SMAD1: variants seen among roughly 807,000 people sequenced by gnomAD.
SMAD1 encodes SMAD family member 1, also known as MAD, mothers against decapentaplegic homolog 1.
A neutral mutation model predicts 41.6 loss-of-function variants in SMAD1; 6 were observed. That is an observed-to-expected ratio of 0.14 (90% CI 0.08 to 0.28). SMAD1 has a LOEUF of 0.28. SMAD1 is among the 10% of genes least tolerant of loss of function. The pLI is 1.00. For synonymous variants in SMAD1, 206 were observed against 203.2 expected, an observed-to-expected ratio of 1.01 and a Z score of -0.12; for missense variants, 379 against 582.6, an observed-to-expected ratio of 0.65 and a Z score of 3.60.
intron 2 of SMAD1, among the ~76,000 whole-genome samples, chr4:145,519,943 G>A (rs566338456): frequency 3.3e-5 from 5 of 152,130 alleles, no homozygotes; most frequent in African/African-American, 9.7e-5. Context: ...AATAATGTCC[G>A]CCAGGTGTCA....
At position 145,489,295 on chromosome 4, in the gene SMAD1, G is replaced by T. The variant is rs183528056; in HGVS notation, c.-177+7257G>T. Among the ~76,000 whole-genome samples, 3 of 152,194 alleles carry T rather than the reference G, an allele frequency of 2.0e-5. No homozygotes were observed. The East Asian group carries it at 5.8e-4, about 29-fold the overall frequency. ...GTTGACTTCCAGTGAGAATTTTAGG[G>T]CCTTAGAGTGCCAGAATAAGGAAAC... is the stretch of plus-strand genomic sequence containing the variant. On this transcript the variant is annotated intron_variant, in intron 1 of 6. Coordinates refer to ENST00000302085, the MANE Select transcript of SMAD1 (RefSeq NM_005900.3).
chr4:145,531,958 G>T (rs73852335), intron 2 of SMAD1, among the ~76,000 whole-genome samples: 1 of 151,976 alleles, frequency 6.6e-6, no homozygotes. Context: ...GTCAGACTTT[G>T]TCTCATTACT....
chr4:145,528,090 C>CAT, intron 2 of SMAD1, among the ~76,000 whole-genome samples: 1 of 147,164 alleles, frequency 6.8e-6, no homozygotes, highest in East Asian at 2.1e-4. Context: ...CACACACACA[C>CAT]ACATACACAC....
chr4:145,534,504 C>T (rs1731503299), intron 2 of SMAD1, among the ~76,000 whole-genome samples: 1 of 152,136 alleles, frequency 6.6e-6, no homozygotes, highest in Non-Finnish European at 1.5e-5. Context: ...GGGGCTGGCC[C>T]CTATCGGATA....
At chr4:145,485,677 A>G (rs1334283784) in intron 1 of SMAD1, among the ~76,000 whole-genome samples, 1 of 152,256 alleles carries the variant, frequency 6.6e-6, no homozygotes, top group Non-Finnish European at 1.5e-5. Context: ...TGGAAGGGAC[A>G]GTTGAAGCTG....
intron 1 of SMAD1, among the ~76,000 whole-genome samples, chr4:145,483,779 T>G (rs1728324216): frequency 6.6e-6 from 1 of 152,152 alleles, no homozygotes; most frequent in Non-Finnish European, 1.5e-5. Flanking sequence ...CCAGGCAGGA[T>G]CGAGTTTCTT....
At chr4:145,539,005 G>A (rs1236879476) in intron 2 of SMAD1, among the ~76,000 whole-genome samples, 1 of 152,144 alleles carries the variant, frequency 6.6e-6, no homozygotes, top group Non-Finnish European at 1.5e-5. Context: ...GAACATTTAG[G>A]AGTGACAGGA....
chr4:145,548,786 G>A (rs11724813), intron 5 of SMAD1, among the ~76,000 whole-genome samples: 86,957 of 151,992 alleles, frequency 0.57, 25,633 homozygotes, highest in African/African-American at 0.68. Context: ...CAAACTGCCT[G>A]TTAGTACAAG....
intron 1 of SMAD1, among the ~76,000 whole-genome samples, chr4:145,506,713 T>G (rs1729810904): frequency 6.6e-6 from 1 of 152,130 alleles, no homozygotes; most frequent in South Asian, 2.1e-4. Context: ...CTGTGGGAAT[T>G]TGGGATCTGT....
Position 145,511,506 on chromosome 4 carries a change from A to G in SMAD1, c.-176-2932A>G, listed in dbSNP as rs1730076576. ...AGGCTACTCTGGAACTCCTCAAGCT[A>G]TCCTTCTACCTTGGCTTCCCAGAGT... On this transcript the variant is annotated intron_variant, in intron 1 of 6. Transcript: ENST00000302085. Among the ~76,000 whole-genome samples, 3 of 152,178 alleles carry G rather than the reference A, an allele frequency of 2.0e-5. No individual in the cohort carries two copies. The South Asian group carries it at 6.2e-4, about 32-fold the overall frequency.
intron 1 of SMAD1, among the ~76,000 whole-genome samples, chr4:145,512,721 T>C (rs1344294008): frequency 1.3e-5 from 2 of 152,216 alleles, no homozygotes. Flanking sequence ...TCTGTTTCTA[T>C]TCTGTTTTGT....
In SMAD1 at chr4:145,502,358, A is replaced by G. The variant is rs189906088; in HGVS notation, c.-176-12080A>G. ...GTTCAATGGGATTAAGGAATGTTGT[A>G]CAACTTTTAGAGGAAATGGCAAGAA... On this transcript the variant is annotated intron_variant, in intron 1 of 6. Coordinates refer to ENST00000302085, the MANE Select transcript of SMAD1 (RefSeq NM_005900.3). 7.2e-5 allele frequency among the ~76,000 whole-genome samples: 11 copies of G among 152,340 alleles called. No individual in the cohort carries two copies. The East Asian group carries it at 1.9e-3, about 27-fold the overall frequency.
chr4:145,535,844 C>T lies in SMAD1; in HGVS notation c.401-3960C>T, dbSNP rs574798241. Among the ~76,000 whole-genome samples the T allele has an allele frequency of 2.6e-5, 4 of 151,866 alleles. No individual in the cohort carries two copies. The South Asian group carries it at 8.3e-4, about 32-fold the overall frequency. On this transcript the variant is annotated intron_variant, in intron 2 of 6. Coordinates refer to ENST00000302085, the MANE Select transcript of SMAD1 (RefSeq NM_005900.3). ...TCCTAAAACTAAGCGCAAATAGCAA[C>T]AGATATATTCAAATAAACTAACTGT...
intron 2 of SMAD1, among the ~76,000 whole-genome samples, chr4:145,535,059 G>T (rs895322144): frequency 6.6e-6 from 1 of 151,778 alleles, no homozygotes; most frequent in East Asian, 1.9e-4. Flanking sequence ...TAAGCCAACA[G>T]TTCAAAGAAA....
chr4:145,532,919 T>C (rs1731398119), intron 2 of SMAD1, among the ~76,000 whole-genome samples: 1 of 152,256 alleles, frequency 6.6e-6, no homozygotes, highest in African/African-American at 2.4e-5. Context: ...AAAGTGTGCT[T>C]AAACATGAAT....
intron 1 of SMAD1, among the ~76,000 whole-genome samples, chr4:145,485,006 G>A (rs1424534933): frequency 6.6e-6 from 1 of 152,160 alleles, no homozygotes; most frequent in Non-Finnish European, 1.5e-5. Context: ...TCCTTATTTA[G>A]CTTATGGATT....
rs1729568234 is a variant in SMAD1, at chr4:145,503,275, C to T, written c.-176-11163C>T. Among the ~76,000 whole-genome samples the T allele has an allele frequency of 2.0e-5, 3 of 152,008 alleles. No homozygotes were observed. In the South Asian group the frequency reaches 6.2e-4, roughly 32 times the overall value. ...TCCTGCTGCTGTGAACTGAGAGCAG[C>T]AGAGTTCTGTGTTCTCTGTGGGTCT... On this transcript the variant is annotated intron_variant, in intron 1 of 6. Coordinates refer to ENST00000302085, the MANE Select transcript of SMAD1 (RefSeq NM_005900.3).
chr4:145,488,589 A>G (rs917021403), intron 1 of SMAD1, among the ~76,000 whole-genome samples: 9 of 152,006 alleles, frequency 5.9e-5, no homozygotes, highest in African/African-American at 2.2e-4. Flanking sequence ...CACTTCAAGA[A>G]AAAAGGTGGG....
At chr4:145,554,073 T>C in intron 6 of SMAD1, 33 bp downstream of exon 6, 1 of 1,535,296 alleles carries the variant, frequency 6.5e-7, no homozygotes, top group Non-Finnish European at 8.8e-7. Flanking sequence ...ATTTAGGGCC[T>C]AACATACTTT....
Sources: allele counts gnomAD v4.1 joint callset (sites outside exome capture counted in the v4.1 genomes callset), GRCh38; gene constraint gnomAD v4.1.1; transcripts MANE v1.5; gene names NCBI Gene and HGNC (gene_info 2026-07-23, HGNC 2026-07-21).